SMCHD1: variants seen among roughly 807,000 people sequenced by gnomAD.
SMCHD1 encodes the protein structural maintenance of chromosomes flexible hinge domain-containing protein 1.
A neutral mutation model predicts 254.7 loss-of-function variants in SMCHD1; 78 were observed. The observed-to-expected ratio is 0.31, with a 90% CI of 0.26 to 0.37. The LOEUF (loss-of-function observed/expected upper bound fraction) is 0.37. Ranked by LOEUF, SMCHD1 falls within the 10% of genes least tolerant of loss-of-function variation. SMCHD1 has a pLI of 1.00. For synonymous variants in SMCHD1, 766 were observed against 794.9 expected, an observed-to-expected ratio of 0.96 and a Z score of 0.61; for missense variants, 1,840 against 2,408.1, an observed-to-expected ratio of 0.76 and a Z score of 4.94.
rs1255892082 is a variant in SMCHD1 at position 2,803,355 on chromosome 18, AGG to A, written c.*806_*807del. 3 of 151,618 alleles carry A rather than the reference AGG, an allele frequency of 2.0e-5. No homozygotes were observed. The highest frequency in any genetic ancestry group is 2.0e-4 in the Admixed American group (3 of 15,208). The allele number at this position is 151,618 out of a possible 1,614,324, so 9.4% of individuals were successfully genotyped here. On this transcript the variant is annotated 3_prime_UTR_variant, in exon 48 of 48. Transcript: ENST00000320876. ...TTGTAATTTTTTATTACTATTTTTA[AGG>A]GGTTAAAGAGAACATACATTCTCAC...
rs771751003 is a variant in SMCHD1, at chr18:2,777,814, C to T, written c.5375C>T (p.Pro1792Leu). 2 of 1,524,366 alleles carry T rather than the reference C, an allele frequency of 1.3e-6. No homozygotes were observed. The highest frequency in any genetic ancestry group is 2.5e-5 in the South Asian group (2 of 79,398). The allele number at this position is 1,524,366 out of a possible 1,614,324, so 94.4% of individuals were successfully genotyped here. A position where few individuals can be genotyped will look rare whatever the true frequency, so the allele number is the denominator to read the frequency against. The change falls in exon 43 of 48, where the codon CCT (proline) becomes CTT (leucine). Residue 1792 changes from proline to leucine, a missense_variant. Around this residue, in one of 9 missense-constraint regions of SMCHD1, gnomAD observed 114 missense variants for 217.6 expected, o/e 0.52. Transcript: ENST00000320876. ...AATTTCTTTTTATTTAGATCTCTAC[C>T]TCATTTCCGAAATGGAAAATTGTAT... ...KTLPDWKRSL[P>L]HFRNGKLYFK...
intron 1 of SMCHD1, among the ~76,000 whole-genome samples, 194 bp downstream of exon 1, chr18:2,656,455 C>G (rs1421978268): frequency 6.6e-6 from 1 of 152,240 alleles, no homozygotes; most frequent in Non-Finnish European, 1.5e-5. Flanking sequence ...TGGCCCGGGC[C>G]TCGAAGTGCA....
At chr18:2,759,569 C>CTTTT (rs763885639) in intron 34 of SMCHD1, among the ~76,000 whole-genome samples, 14 of 36,990 alleles carry the variant, frequency 3.8e-4, no homozygotes, top group Non-Finnish European at 2.3e-4. Context: ...TTTTAATTCT[C>CTTTT]TCTTTTTTTT....
At chr18:2,704,740 C>T (rs954201225) in intron 13 of SMCHD1, among the ~76,000 whole-genome samples, 1 of 151,526 alleles carries the variant, frequency 6.6e-6, no homozygotes, top group Non-Finnish European at 1.5e-5. Flanking sequence ...CAGATAATTA[C>T]AAGGTAGAAG....
At chr18:2,763,342 T>G (rs2075817794) in intron 36 of SMCHD1, among the ~76,000 whole-genome samples, 3 of 152,224 alleles carry the variant, frequency 2.0e-5, no homozygotes, top group African/African-American at 7.2e-5. Flanking sequence ...AAGCACTTTT[T>G]CACATCTGTA....
At chr18:2,728,378 T>C (rs1448660839) in intron 22 of SMCHD1, 79 bp from the exon 23 acceptor site, 1 of 1,358,506 alleles carries the variant, frequency 7.4e-7, no homozygotes. Context: ...TCTTTAATGT[T>C]AAAGTTATTT....
intron 34 of SMCHD1, among the ~76,000 whole-genome samples, chr18:2,753,351 C>A (rs535016568): frequency 2.6e-4 from 39 of 152,310 alleles, no homozygotes; most frequent in African/African-American, 9.4e-4. Context: ...TGTGAACACA[C>A]TACTATTTTC....
At chr18:2,722,803 A>C in intron 20 of SMCHD1, 140 bp downstream of exon 20, 1 of 692,374 alleles carries the variant, frequency 1.4e-6, no homozygotes, top group Non-Finnish European at 2.2e-6. Flanking sequence ...TATCTGGGTA[A>C]TTTAGCTCCA....
chr18:2,667,514 A>G (rs1288979958), intron 3 of SMCHD1, among the ~76,000 whole-genome samples: 1 of 152,210 alleles, frequency 6.6e-6, no homozygotes, highest in East Asian at 1.9e-4. Flanking sequence ...TTACAAATCA[A>G]TTAGTTTACT....
At chr18:2,799,736 T>G (rs1192429762) in intron 47 of SMCHD1, among the ~76,000 whole-genome samples, 3 of 152,186 alleles carry the variant, frequency 2.0e-5, no homozygotes, top group African/African-American at 7.2e-5. Context: ...CTCTTTCTTG[T>G]TAATTTTTCT....
intron 29 of SMCHD1, among the ~76,000 whole-genome samples, chr18:2,744,751 T>G (rs1054815570): frequency 2.0e-5 from 3 of 152,242 alleles, no homozygotes; most frequent in Non-Finnish European, 2.9e-5. Context: ...TTGTATCCTT[T>G]GATGGAATTC....
chr18:2,754,526 C>T (rs2075636429), intron 34 of SMCHD1, among the ~76,000 whole-genome samples: 1 of 152,184 alleles, frequency 6.6e-6, no homozygotes, highest in Non-Finnish European at 1.5e-5. Context: ...AAAATGTTGT[C>T]AACCAGGGAA....
chr18:2,722,263 C>A (rs769475382), intron 19 of SMCHD1, among the ~76,000 whole-genome samples: 40 of 152,132 alleles, frequency 2.6e-4, no homozygotes, highest in Non-Finnish European at 4.9e-4. Context: ...CATGATGAGA[C>A]CCTGCCGCTA....
At chr18:2,702,529 T>G (rs2074426213) in intron 12 of SMCHD1, among the ~76,000 whole-genome samples, 1 of 152,066 alleles carries the variant, frequency 6.6e-6, no homozygotes, top group African/African-American at 2.4e-5. Flanking sequence ...TTGTCAGACT[T>G]TCTGGTTCCT....
intron 37 of SMCHD1, among the ~76,000 whole-genome samples, chr18:2,766,857 T>C (rs1390442000): frequency 2.0e-5 from 3 of 152,210 alleles, no homozygotes; most frequent in Non-Finnish European, 4.4e-5. Context: ...CTGTTTATCC[T>C]TTTTTCTTGG....
At chr18:2,780,213 CG>C (rs72035673) in intron 44 of SMCHD1, among the ~76,000 whole-genome samples, 26,442 of 121,848 alleles carry the variant, frequency 0.22, 2,836 homozygotes, top group Admixed American at 0.34. Flanking sequence ...CACTCCAGTC[CG>C]GGGTGACAGA....
intron 7 of SMCHD1, among the ~76,000 whole-genome samples, chr18:2,692,745 T>C (rs1008675876): frequency 1.2e-4 from 19 of 152,236 alleles, no homozygotes; most frequent in African/African-American, 4.6e-4. Flanking sequence ...TTTACCTCTG[T>C]AGCTCTTGGT....
chr18:2,731,593 T>C (rs1053689427), intron 24 of SMCHD1, among the ~76,000 whole-genome samples: 7 of 152,320 alleles, frequency 4.6e-5, no homozygotes, highest in African/African-American at 1.4e-4. Flanking sequence ...ATGGTAGCTG[T>C]TTGTCTCTGA....
chr18:2,662,174 AAAAAT>A (rs1160963014), intron 1 of SMCHD1, among the ~76,000 whole-genome samples: 2 of 90,418 alleles, frequency 2.2e-5, no homozygotes, highest in East Asian at 4.8e-4. Context: ...TCAAAAAAAA[AAAAAT>A]AAAATAAATA....
Sources: allele counts gnomAD v4.1 joint callset (sites outside exome capture counted in the v4.1 genomes callset), GRCh38; gene constraint gnomAD v4.1.1; regional missense constraint gnomAD v4.1.1; transcripts MANE v1.5; gene names NCBI Gene and HGNC (gene_info 2026-07-23, HGNC 2026-07-21).